Variants in RGPD3 observed in about 807,000 individuals in gnomAD.
The protein encoded by RGPD3 is ranBP2-like and GRIP domain-containing protein 3.
A neutral mutation model predicts 154.5 loss-of-function variants in RGPD3; 62 were observed. That is an observed-to-expected ratio of 0.40 (90% CI 0.33 to 0.50). RGPD3 has a LOEUF of 0.50. Ranked by LOEUF, RGPD3 falls within the 20% of genes least tolerant of loss-of-function variation. The pLI, the probability that RGPD3 is intolerant of heterozygous loss-of-function variation, is 0.59. For missense variants in RGPD3, 919 were observed against 1,716.8 expected (o/e 0.54, Z 8.21); for synonymous variants, 308 against 607.0 (o/e 0.51, Z 7.24).
At chr2:106,428,991 A>G (rs1677284501) in intron 18 of RGPD3, among the ~76,000 whole-genome samples, 1 of 151,664 alleles carries the variant, frequency 6.6e-6, no homozygotes, top group Non-Finnish European at 1.5e-5. Flanking sequence ...GCACATAGCC[A>G]ACCCACAGTA....
At chr2:106,465,614 C>G (rs1349909812) in intron 1 of RGPD3, among the ~76,000 whole-genome samples, 1 of 149,692 alleles carries the variant, frequency 6.7e-6, no homozygotes, top group South Asian at 2.1e-4. Flanking sequence ...AGCAGAGTGG[C>G]TCACACCTGT....
chr2:106,457,338 C>A (rs1396548918), intron 3 of RGPD3, among the ~76,000 whole-genome samples: 3 of 152,384 alleles, frequency 2.0e-5, no homozygotes, highest in Non-Finnish European at 2.9e-5. Context: ...ATATTTGTGT[C>A]ATTTGAATGC....
At position 106,423,946 on chromosome 2, in the gene RGPD3, A is replaced by T; in HGVS notation, c.4021T>A (p.Leu1341Ile). 1 of 1,611,804 alleles carries T rather than the reference A, an allele frequency of 6.2e-7. No homozygotes were observed. The change falls in exon 20 of 23, where the codon TTA (leucine) becomes ATA (isoleucine). Residue 1341 changes from leucine (L) to isoleucine (I), a missense_variant. By Grantham distance (5) the Leu-to-Ile change is conservative. Coordinates refer to ENST00000409886, the MANE Select transcript of RGPD3 (RefSeq NM_001144013.2). ...CTGGATACTTCAACTAGATCAGGTA[A>T]AGGAACAACAGGTTCAAAGTACTGT... ...DGQYFEPVVP[L>I]PDLVEVSSGE...
intron 9 of RGPD3, among the ~76,000 whole-genome samples, chr2:106,438,714 A>G (rs1365799151): frequency 6.6e-6 from 1 of 151,384 alleles, no homozygotes; most frequent in Non-Finnish European, 1.5e-5. Flanking sequence ...CCCGGGAGGC[A>G]GAGGTTACAG....
intron 18 of RGPD3, among the ~76,000 whole-genome samples, chr2:106,426,889 C>T (rs1355936738): frequency 6.6e-6 from 1 of 151,898 alleles, no homozygotes; most frequent in South Asian, 2.1e-4. Flanking sequence ...AAAAGGCTAG[C>T]CAGAAGCCCA....
chr2:106,467,991 G>A (rs62152544), intron 1 of RGPD3, among the ~76,000 whole-genome samples: 11 of 95,624 alleles, frequency 1.2e-4, no homozygotes, highest in African/African-American at 4.7e-4. Context: ...GTCGAGGCCG[G>A]CGCCTCAACA....
chr2:106,461,769 T>C (rs1678411479), intron 1 of RGPD3, among the ~76,000 whole-genome samples: 1 of 151,806 alleles, frequency 6.6e-6, no homozygotes. Flanking sequence ...TTACAAAACG[T>C]TGCTCAATGC....
chr2:106,423,849 T>A lies in RGPD3; in HGVS notation c.4118A>T (p.Gln1373Leu). The A allele has an allele frequency of 1.2e-6, 2 of 1,612,032 alleles. No individual in the cohort carries two copies. Among genetic ancestry groups the A allele is most frequent in the Non-Finnish European group, 1.7e-6 (2 of 1,179,866 alleles). The change falls in exon 20 of 23, where the codon CAA (glutamine) becomes CTA (leucine). Residue 1373 changes from glutamine to leucine, a missense_variant. Transcript: ENST00000409886. ...EFYRYDKDVG[Q>L]WKERGIGDIK... Reference sequence around the variant, plus strand: ...ATCACCAATGCCCCTTTCTTTCCATTGACCAACATCTTTATCATATCTGTA... The same window carrying A: ...ATCACCAATGCCCCTTTCTTTCCATAGACCAACATCTTTATCATATCTGTA...
intron 17 of RGPD3, among the ~76,000 whole-genome samples, chr2:106,432,108 G>A (rs1677379644): frequency 6.7e-6 from 1 of 148,630 alleles, no homozygotes; most frequent in Admixed American, 6.8e-5. Flanking sequence ...ACCTTTGAAG[G>A]TCTCAAATTT....
In RGPD3 at chr2:106,425,232, T is replaced by G; in HGVS notation, c.2735A>C (p.Glu912Ala). The G allele has an allele frequency of 6.2e-7, 1 of 1,611,570 alleles. No homozygotes were observed. Among genetic ancestry groups the G allele is most frequent in the Non-Finnish European group, 8.5e-7 (1 of 1,179,668 alleles). The change falls in exon 20 of 23, where the codon GAA becomes GCA. Residue 912 changes from glutamate (E) to alanine (A), a missense_variant. Transcript: ENST00000409886. ...SSNTEFKSTK[E>A]GFSIPVSADG... ...AGCAGACACAGGGATGGAAAATCCT[T>G]CTTTGGTTGACTTAAATTCTGTATT... is the stretch of plus-strand genomic sequence containing the variant.
chr2:106,414,851 G>A (rs1197651386), intron 21 of RGPD3, among the ~76,000 whole-genome samples: 2 of 151,568 alleles, frequency 1.3e-5, no homozygotes, highest in Non-Finnish European at 2.9e-5. Context: ...CACAGTGGCA[G>A]GACAGATCTA....
intron 1 of RGPD3, among the ~76,000 whole-genome samples, chr2:106,467,341 G>A (rs1268447048): frequency 1.7e-5 from 2 of 118,434 alleles, no homozygotes; most frequent in African/African-American, 3.3e-5. Context: ...CGAGGCCGCC[G>A]CAGGGCCAGG....
intron 1 of RGPD3, among the ~76,000 whole-genome samples, chr2:106,464,701 TA>T (rs1475602241): frequency 6.6e-6 from 1 of 151,966 alleles, no homozygotes; most frequent in African/African-American, 2.4e-5. Flanking sequence ...AAAGAAAAAC[TA>T]GAGAAAAAAT....
Position 106,439,022 on chromosome 2 carries a change from C to T in RGPD3, c.1222G>A (p.Gly408Arg). 1 of 289,972 alleles carries T rather than the reference C, an allele frequency of 3.4e-6. No individual in the cohort carries two copies. The highest frequency in any genetic ancestry group is 2.4e-5 in the South Asian group (1 of 41,924). 18.0% of individuals were successfully genotyped at this position (289,972 alleles called of 1,614,324 possible). A position where few individuals can be genotyped will look rare whatever the true frequency, so the allele number is the denominator to read the frequency against. Reference sequence around the variant, plus strand: ...TCTGGTTCTTGTACATCAATGTTTCCAATATCATCGCTACCAAGAAAAGAT... The same window carrying T: ...TCTGGTTCTTGTACATCAATGTTTCTAATATCATCGCTACCAAGAAAAGAT... ...DTSFLGSDDI[G>R]NIDVQEPELE... Residue 408 changes from glycine (G) to arginine (R), a missense_variant, in exon 9 of 23, where the codon GGA (glycine) becomes AGA (arginine). Transcript: ENST00000409886.
intron 6 of RGPD3, among the ~76,000 whole-genome samples, chr2:106,451,283 C>T (rs1678117486): frequency 2.0e-5 from 3 of 151,900 alleles, no homozygotes; most frequent in Non-Finnish European, 4.4e-5. Flanking sequence ...TTAGATACTG[C>T]TCTTACCCTA....
Position 106,468,314 on chromosome 2 carries a change from T to TGC in RGPD3, c.-28_-27dup. On this transcript the variant is annotated 5_prime_UTR_variant, in exon 1 of 23. Transcript: ENST00000409886. ...CGCGCCACCAACCTGGCTCCCGAGA[T>TGC]GCGTGAGACCAGCGCTCAGCCCCGC... 1 of 1,584,296 alleles carries TGC rather than the reference T, an allele frequency of 6.3e-7. No homozygotes were observed. The highest frequency in any genetic ancestry group is 8.6e-7 in the Non-Finnish European group (1 of 1,164,510).
At chr2:106,466,337 C>A (rs1233039837) in intron 1 of RGPD3, among the ~76,000 whole-genome samples, 18 of 150,850 alleles carry the variant, frequency 1.2e-4, no homozygotes, top group African/African-American at 3.6e-4. Context: ...CGTCAGGAGC[C>A]ATGACGCCTG....
chr2:106,444,753 C>T (rs1187707460), intron 7 of RGPD3, among the ~76,000 whole-genome samples: 3 of 150,820 alleles, frequency 2.0e-5, no homozygotes, highest in Admixed American at 6.6e-5. Context: ...CACTTGAGCC[C>T]AGGAGTTCGA....
At chr2:106,467,452 C>T (rs1573310876) in intron 1 of RGPD3, among the ~76,000 whole-genome samples, 1 of 73,448 alleles carries the variant, frequency 1.4e-5, no homozygotes, top group Admixed American at 1.2e-4. Flanking sequence ...TCGAGGCCGC[C>T]GCCTCAACAG....
Sources: allele counts gnomAD v4.1 joint callset (sites outside exome capture counted in the v4.1 genomes callset), GRCh38; gene constraint gnomAD v4.1.1; transcripts MANE v1.5; gene names NCBI Gene and HGNC (gene_info 2026-07-23, HGNC 2026-07-21).